Variants in CTNNA3 observed in about 807,000 individuals in gnomAD.
CTNNA3 encodes catenin alpha 3.
In CTNNA3, 76 loss-of-function variants were observed where a neutral mutation model predicts 95.7. The observed-to-expected ratio is 0.79, with a 90% CI of 0.66 to 0.96. CTNNA3 has a LOEUF of 0.96. Ranked by LOEUF, CTNNA3 falls within the 40% of genes least tolerant of loss-of-function variation. The pLI, the probability that CTNNA3 is intolerant of heterozygous loss-of-function variation, is 0.00. For missense variants in CTNNA3, 1,191 were observed against 1,089.8 expected (o/e 1.09, Z -1.31); for synonymous variants, 431 against 374.4 (o/e 1.15, Z -1.74).
At chr10:66,420,666 G>T (rs76691941) in intron 11 of CTNNA3, among the ~76,000 whole-genome samples, 1 of 152,008 alleles carries the variant, frequency 6.6e-6, no homozygotes, top group Non-Finnish European at 1.5e-5. Context: ...GGGCGTGATG[G>T]CATGTGCCTG....
At chr10:66,452,262 A>T (rs1291667349) in intron 11 of CTNNA3, among the ~76,000 whole-genome samples, 6 of 152,008 alleles carry the variant, frequency 3.9e-5, no homozygotes, top group Non-Finnish European at 7.4e-5. Flanking sequence ...CGTGTACTGT[A>T]TTTTTTCCAT....
At chr10:67,176,277 T>C (rs1862240120) in intron 7 of CTNNA3, among the ~76,000 whole-genome samples, 1 of 152,222 alleles carries the variant, frequency 6.6e-6, no homozygotes, top group Non-Finnish European at 1.5e-5. Flanking sequence ...ATAAATGTAG[T>C]AGATGCTTGA....
At chr10:67,083,849 A>AT (rs548011227) in intron 7 of CTNNA3, among the ~76,000 whole-genome samples, 58 of 152,314 alleles carry the variant, frequency 3.8e-4, no homozygotes, top group Admixed American at 6.5e-4. Context: ...AAAGCTACAC[A>AT]TATTTTATTA....
chr10:66,332,504 G>C (rs968008260), intron 12 of CTNNA3, among the ~76,000 whole-genome samples: 2 of 151,858 alleles, frequency 1.3e-5, no homozygotes, highest in Admixed American at 6.6e-5. Flanking sequence ...TTTGTCATTG[G>C]TTCTGTTTAT....
intron 5 of CTNNA3, among the ~76,000 whole-genome samples, chr10:67,465,820 T>G (rs1398320049): frequency 1.3e-5 from 2 of 152,124 alleles, no homozygotes; most frequent in Non-Finnish European, 2.9e-5. Flanking sequence ...AATAACCACA[T>G]GAAAATCAAG....
chr10:66,006,490 T>C lies in CTNNA3; in HGVS notation c.2160-17693A>G, dbSNP rs538046437. The stretch of plus-strand genomic sequence containing the variant: ...CCAACATTTGAAAACAGGTCTTTTC[T>C]TGCCTTCCACACATTACTTCTCTGA... On this transcript the variant is annotated intron_variant, in intron 15 of 17. Transcript: ENST00000433211. Among the ~76,000 whole-genome samples, 23 of 152,292 alleles carry C rather than the reference T, an allele frequency of 1.5e-4. No homozygotes were observed. The East Asian group carries it at 4.3e-3, about 28-fold the overall frequency.
chr10:67,424,438 A>G (rs951627702), intron 5 of CTNNA3, among the ~76,000 whole-genome samples: 3 of 152,050 alleles, frequency 2.0e-5, no homozygotes, highest in African/African-American at 7.2e-5. Context: ...TTTTCCTACC[A>G]AACCATAAAT....
chr10:66,407,933 G>A (rs1045542180), intron 11 of CTNNA3, among the ~76,000 whole-genome samples: 1 of 152,084 alleles, frequency 6.6e-6, no homozygotes, highest in South Asian at 2.1e-4. Context: ...CTGTTCTAAC[G>A]CATAAATTAT....
chr10:66,940,916 C>A (rs1006709432), intron 7 of CTNNA3, among the ~76,000 whole-genome samples: 4 of 152,118 alleles, frequency 2.6e-5, no homozygotes, highest in Non-Finnish European at 5.9e-5. Flanking sequence ...CAGTATGCAG[C>A]CTGCAGTAAC....
chr10:66,118,932 A>G (rs1056856782), intron 13 of CTNNA3, among the ~76,000 whole-genome samples: 1 of 152,072 alleles, frequency 6.6e-6, no homozygotes, highest in Non-Finnish European at 1.5e-5. Context: ...TTTAAGAGAG[A>G]CAGGGTCTCC....
intron 3 of CTNNA3, among the ~76,000 whole-genome samples, chr10:67,553,673 G>T (rs1033323451): frequency 6.6e-6 from 1 of 151,900 alleles, no homozygotes; most frequent in African/African-American, 2.4e-5. Flanking sequence ...TACAAAAAAA[G>T]AAAAAGAATT....
At chr10:66,175,868 C>G (rs770911752) in intron 13 of CTNNA3, among the ~76,000 whole-genome samples, 1 of 152,176 alleles carries the variant, frequency 6.6e-6, no homozygotes, top group Non-Finnish European at 1.5e-5. Context: ...TATGCTGATG[C>G]TGACCCAATG....
intron 14 of CTNNA3, among the ~76,000 whole-genome samples, chr10:66,077,412 A>C (rs1426793961): frequency 4.0e-5 from 6 of 151,856 alleles, no homozygotes; most frequent in Non-Finnish European, 1.5e-5. Context: ...ATATCATTCC[A>C]TCTATAACAT....
At chr10:66,590,119 T>C (rs1039811737) in intron 10 of CTNNA3, among the ~76,000 whole-genome samples, 1 of 152,104 alleles carries the variant, frequency 6.6e-6, no homozygotes, top group African/African-American at 2.4e-5. Context: ...ATATCTGTTA[T>C]GTGTTTAAAG....
intron 12 of CTNNA3, among the ~76,000 whole-genome samples, chr10:66,286,805 T>C (rs1345290495): frequency 6.6e-6 from 1 of 152,096 alleles, no homozygotes; most frequent in Admixed American, 6.6e-5. Context: ...ACTTCAACTC[T>C]CTTTGCACAG....
At chr10:66,305,979 C>T (rs1426655277) in intron 12 of CTNNA3, among the ~76,000 whole-genome samples, 1 of 152,150 alleles carries the variant, frequency 6.6e-6, no homozygotes, top group African/African-American at 2.4e-5. Context: ...GCGGCTTTTC[C>T]TATCCTGACC....
intron 10 of CTNNA3, among the ~76,000 whole-genome samples, chr10:66,575,430 T>C (rs1454724862): frequency 6.6e-6 from 1 of 152,138 alleles, no homozygotes; most frequent in Non-Finnish European, 1.5e-5. Flanking sequence ...AAAAAATGCC[T>C]TGCATCCCTG....
chr10:67,057,174 T>C (rs979858748), intron 7 of CTNNA3, among the ~76,000 whole-genome samples: 2 of 152,146 alleles, frequency 1.3e-5, no homozygotes, highest in Non-Finnish European at 2.9e-5. Flanking sequence ...ATAGAAAGAG[T>C]TTATATTCAA....
intron 5 of CTNNA3, among the ~76,000 whole-genome samples, chr10:67,281,899 A>G (rs1378176024): frequency 3.9e-5 from 6 of 152,282 alleles, no homozygotes; most frequent in Middle Eastern, 6.8e-3. Flanking sequence ...TTATGCTTCC[A>G]TAAGATGCAT....
Sources: gnomAD v4.1 joint callset for allele counts (sites outside exome capture counted in the v4.1 genomes callset) on GRCh38, gnomAD v4.1.1 for gene constraint, MANE v1.5 for transcripts, NCBI Gene and HGNC (gene_info 2026-07-23, HGNC 2026-07-21) for gene names.